The following PGGT1B variants were observed in gnomAD, a reference collection of about 807,000 sequenced individuals.
PGGT1B encodes the protein geranylgeranyl transferase type-1 subunit beta.
Under a neutral mutation model 46.1 loss-of-function variants are expected in PGGT1B, and 30 were observed. The ratio of observed to expected loss-of-function variants is 0.65; its 90% CI spans 0.49 to 0.88. PGGT1B has a LOEUF of 0.88. Ranked by LOEUF, PGGT1B falls within the 40% of genes least tolerant of loss-of-function variation. PGGT1B has a pLI of 0.00. For missense variants in PGGT1B, 376 were observed against 455.9 expected (o/e 0.82, Z 1.60); for synonymous variants, 170 against 160.0 (o/e 1.06, Z -0.47).
chr5:115,258,565 A>G (rs1358519536), intron 1 of PGGT1B, among the ~76,000 whole-genome samples: 1 of 152,178 alleles, frequency 6.6e-6, no homozygotes, highest in Non-Finnish European at 1.5e-5. Flanking sequence ...CCACTACTAG[A>G]GAACTAATTG....
chr5:115,242,420 TG>T (rs1444971080), intron 2 of PGGT1B, among the ~76,000 whole-genome samples: 2 of 152,188 alleles, frequency 1.3e-5, no homozygotes, highest in Non-Finnish European at 2.9e-5. Flanking sequence ...AAAATCGAGT[TG>T]GTCTAAAAAT....
intron 3 of PGGT1B, among the ~76,000 whole-genome samples, chr5:115,240,629 A>G (rs1757319149): frequency 6.6e-6 from 1 of 152,232 alleles, no homozygotes; most frequent in South Asian, 2.1e-4. Flanking sequence ...CAGAGGAAGA[A>G]AGCTGAAGTA....
At position 115,207,621 on chromosome 5, in the gene PGGT1B, A is replaced by G. The variant is rs1479570893; in HGVS notation, c.*4781T>C. 1 of 152,008 alleles carries G rather than the reference A, an allele frequency of 6.6e-6. No individual in the cohort carries two copies. Among genetic ancestry groups the G allele is most frequent in the Admixed American group, 6.6e-5 (1 of 15,242 alleles). The allele number at this position is 152,008 out of a possible 1,614,324, so 9.4% of individuals were successfully genotyped here. A position where few individuals can be genotyped will look rare whatever the true frequency, so the allele number is the denominator to read the frequency against. ...CACTTGTGTCTGGTGAAGCCTACTG[A>G]TATTTTTATGTAAATTGTATTTAAT... is the stretch of plus-strand genomic sequence containing the variant. On this transcript the variant is annotated 3_prime_UTR_variant, in exon 9 of 9. Coordinates refer to ENST00000419445, the MANE Select transcript of PGGT1B (RefSeq NM_005023.4).
chr5:115,218,834 G>A (rs1756502096), intron 7 of PGGT1B, among the ~76,000 whole-genome samples: 1 of 151,748 alleles, frequency 6.6e-6, no homozygotes, highest in South Asian at 2.1e-4. Context: ...AGGAAATTAA[G>A]AAAGCAATTT....
chr5:115,254,227 T>G (rs1024796210), intron 1 of PGGT1B, among the ~76,000 whole-genome samples: 2 of 152,048 alleles, frequency 1.3e-5, no homozygotes, highest in African/African-American at 4.8e-5. Context: ...TTATCTAGAA[T>G]AGTACTACAG....
chr5:115,215,615 A>G (rs1471243822), intron 8 of PGGT1B, among the ~76,000 whole-genome samples: 1 of 152,194 alleles, frequency 6.6e-6, no homozygotes, highest in African/African-American at 2.4e-5. Context: ...CATGTTTTAT[A>G]TGAAAATATA....
At chr5:115,231,155 G>C (rs1009281976) in intron 5 of PGGT1B, 134 bp from the exon 6 acceptor site, 6 of 505,704 alleles carry the variant, frequency 1.2e-5, no homozygotes, top group Non-Finnish European at 1.8e-5. Flanking sequence ...CAAAATATGC[G>C]TTTTTCCCCA....
chr5:115,224,697 C>A (rs1382720968), intron 6 of PGGT1B, among the ~76,000 whole-genome samples: 3 of 151,920 alleles, frequency 2.0e-5, no homozygotes, highest in African/African-American at 7.3e-5. Flanking sequence ...TAAGGAGACC[C>A]TGTCTCTACA....
chr5:115,253,894 G>T (rs1333553647), intron 1 of PGGT1B, among the ~76,000 whole-genome samples: 1 of 151,952 alleles, frequency 6.6e-6, no homozygotes, highest in African/African-American at 2.4e-5. Flanking sequence ...ATCTAAACCT[G>T]TGCTTTCATA....
rs1756099568 is a variant in PGGT1B, at chr5:115,207,466, CTAAT to C, written c.*4932_*4935del. ...ATATAAAATTCAAAAACAGACAAAA[CTAAT>C]TGATGGTAATTTTGACAGCACTTAC... On this transcript the variant is annotated 3_prime_UTR_variant, in exon 9 of 9. Coordinates refer to ENST00000419445, the MANE Select transcript of PGGT1B (RefSeq NM_005023.4). The C allele has an allele frequency of 6.6e-6, 1 of 151,612 alleles. No individual in the cohort carries two copies. Among genetic ancestry groups the C allele is most frequent in the African/African-American group, 2.4e-5 (1 of 41,286 alleles). The allele number at this position is 151,612 out of a possible 1,614,324, so 9.4% of individuals were successfully genotyped here.
At chr5:115,238,525 T>C (rs183771071) in intron 3 of PGGT1B, among the ~76,000 whole-genome samples, 49 of 152,090 alleles carry the variant, frequency 3.2e-4, no homozygotes, top group African/African-American at 1.2e-3. Context: ...TTAAGTCTTA[T>C]AAAGTCAGAA....
At chr5:115,254,635 GAT>G (rs935236411) in intron 1 of PGGT1B, among the ~76,000 whole-genome samples, 1 of 148,394 alleles carries the variant, frequency 6.7e-6, no homozygotes, top group Non-Finnish European at 1.5e-5. Context: ...TTATCGCTCT[GAT>G]CCCTGGTGGA....
In PGGT1B at chr5:115,236,526, A is replaced by T. The variant is rs1757186813; in HGVS notation, c.480-4T>A. The stretch of plus-strand genomic sequence containing the variant: ...GCCTTCAGGTACTGCACAAAAACTG[A>T]AAATAATAACAACAATATGATTTTC... On this transcript the variant is annotated splice_polypyrimidine_tract_variant and splice_region_variant and intron_variant, in intron 4 of 8. Transcript: ENST00000419445. 1 of 1,520,946 alleles carries T rather than the reference A, an allele frequency of 6.6e-7. No individual in the cohort carries two copies. Among genetic ancestry groups the T allele is most frequent in the African/African-American group, 1.4e-5 (1 of 69,154 alleles). The allele number at this position is 1,520,946 out of a possible 1,614,324, so 94.2% of individuals were successfully genotyped here.
Position 115,207,913 on chromosome 5 carries a change from A to G in PGGT1B, c.*4489T>C, listed in dbSNP as rs1269245696. The G allele has an allele frequency of 6.6e-6, 1 of 152,088 alleles. No individual in the cohort carries two copies. The highest frequency in any genetic ancestry group is 2.4e-5 in the African/African-American group (1 of 41,436). The allele number at this position is 152,088 out of a possible 1,614,324, so 9.4% of individuals were successfully genotyped here. The stretch of plus-strand genomic sequence containing the variant: ...TTTTAGGTAGAGGTACAATGTTAAT[A>G]GATTATTCATCAATTTCTACTTAGT... On this transcript the variant is annotated 3_prime_UTR_variant, in exon 9 of 9. Transcript: ENST00000419445.
chr5:115,216,081 G>T (rs1416874490), intron 8 of PGGT1B, among the ~76,000 whole-genome samples: 1 of 152,096 alleles, frequency 6.6e-6, no homozygotes, highest in Non-Finnish European at 1.5e-5. Flanking sequence ...TTGAAATTTG[G>T]AGAACAAGAG....
intron 1 of PGGT1B, among the ~76,000 whole-genome samples, chr5:115,259,524 CT>C (rs1398449541): frequency 6.6e-6 from 1 of 151,870 alleles, no homozygotes; most frequent in East Asian, 1.9e-4. Context: ...CGCATCTCTA[CT>C]AAAAATACAA....
At chr5:115,225,486 A>G (rs761401013) in intron 6 of PGGT1B, among the ~76,000 whole-genome samples, 4 of 152,186 alleles carry the variant, frequency 2.6e-5, no homozygotes, top group Non-Finnish European at 5.9e-5. Flanking sequence ...AGTTTTAGAG[A>G]TTCTCTTAGT....
chr5:115,243,175 A>G (rs957921509), intron 2 of PGGT1B, among the ~76,000 whole-genome samples: 6 of 152,206 alleles, frequency 3.9e-5, no homozygotes, highest in African/African-American at 1.4e-4. Flanking sequence ...GCCAATATAT[A>G]ACAGAAGTTA....
At chr5:115,257,687 T>A (rs983567541) in intron 1 of PGGT1B, among the ~76,000 whole-genome samples, 3 of 152,230 alleles carry the variant, frequency 2.0e-5, no homozygotes, top group Non-Finnish European at 4.4e-5. Flanking sequence ...TGACCCTTTC[T>A]GGTGCAACCC....
Sources: allele counts gnomAD v4.1 joint callset (sites outside exome capture counted in the v4.1 genomes callset), GRCh38; gene constraint gnomAD v4.1.1; transcripts MANE v1.5; gene names NCBI Gene and HGNC (gene_info 2026-07-23, HGNC 2026-07-21).